Variants in SLX4 observed in about 807,000 individuals in gnomAD.
SLX4 encodes structure-specific endonuclease subunit SLX4.
A neutral mutation model predicts 146.2 loss-of-function variants in SLX4; 112 were observed. The ratio of observed to expected loss-of-function variants is 0.77; its 90% CI spans 0.66 to 0.90. The LOEUF is 0.90. SLX4 is among the 40% of genes least tolerant of loss of function. The probability of loss-of-function intolerance (pLI) is 0.00; values close to 1 mark genes in which losing one functional copy is unlikely to be tolerated. For synonymous variants in SLX4, 1,061 were observed against 997.7 expected (o/e 1.06, Z -1.20); for missense variants, 2,563 against 2,392.7 (o/e 1.07, Z -1.49).
At position 3,584,793 on chromosome 16, in the gene SLX4, G is replaced by A. The variant is rs182432298; in HGVS notation, c.4715C>T (p.Pro1572Leu). Residue 1572 changes from proline (P) to leucine (L), a missense_variant, in exon 13 of 15, where the codon CCG (proline) becomes CTG (leucine). Pro to Leu is a moderately conservative substitution (Grantham distance 98). Transcript: ENST00000294008. Reference sequence around the variant, plus strand: ...CCTATCCAGTTCCTTCTTCAGCACCGGCGTCTCCATAATGGAATACTGTGG... The same window carrying A: ...CCTATCCAGTTCCTTCTTCAGCACCAGCGTCTCCATAATGGAATACTGTGG... ...PMPQYSIMET[P>L]VLKKELDRFG... 1.5e-5 allele frequency: 25 copies of A among 1,613,902 alleles called. No homozygotes were observed. Among genetic ancestry groups the A allele is most frequent in the South Asian group, 5.5e-5 (5 of 91,070 alleles).
At chr16:3,602,500 CA>C (rs1295232772) in intron 3 of SLX4, among the ~76,000 whole-genome samples, 193 bp from the exon 4 acceptor site, 2 of 152,214 alleles carry the variant, frequency 1.3e-5, no homozygotes, top group African/African-American at 4.8e-5. Flanking sequence ...ACTCCGGGAA[CA>C]GCCGTCTCCA....
intron 8 of SLX4, 71 bp from the exon 9 acceptor site, chr16:3,595,764 G>T: frequency 1.3e-6 from 2 of 1,563,418 alleles, no homozygotes; most frequent in Admixed American, 1.7e-5. Context: ...AGACAGCGTT[G>T]ACCACAGGCT....
rs1022062802 is a variant in SLX4 at position 3,590,720 on chromosome 16, G to C, written c.2918C>G (p.Ser973Cys). The C allele has an allele frequency of 3.7e-6, 6 of 1,614,172 alleles. No individual in the cohort carries two copies. Among genetic ancestry groups the C allele is most frequent in the South Asian group, 2.2e-5 (2 of 91,084 alleles). Residue 973 changes from serine to cysteine, a missense_variant, in exon 12 of 15, where the codon TCT (serine) becomes TGT (cysteine). Transcript: ENST00000294008. This position sits in a 1 kb window ranked among gnomAD's most constrained non-coding sequence, Gnocchi z 4.8. ...RDCQAERKEG[S>C]LPHSDDAGDY... The stretch of plus-strand genomic sequence containing the variant: ...CCCGGCATCATCTGAGTGCGGAAGA[G>C]AGCCTTCTTTTCTCTCTGCCTGGCA...
rs921942813 is a variant in SLX4 at position 3,591,272 on chromosome 16, A to G, written c.2366T>C (p.Val789Ala). ...GCCCTCTGAGTCAGTGGCAATAGGC[A>G]CCTGTTCGCACAGGTGAACGAGCTC... is the stretch of plus-strand genomic sequence containing the variant. ...VSELVHLCEQ[V>A]PIATDSEGKP... Residue 789 changes from valine (V) to alanine (A), a missense_variant, in exon 12 of 15, where the codon GTG becomes GCG. Coordinates refer to ENST00000294008, the MANE Select transcript of SLX4 (RefSeq NM_032444.4). 1.2e-6 allele frequency: 2 copies of G among 1,612,294 alleles called. No individual in the cohort carries two copies. Among genetic ancestry groups the G allele is most frequent in the African/African-American group, 2.7e-5 (2 of 74,868 alleles).
At position 3,608,701 on chromosome 16, in the gene SLX4, GCTT is replaced by G. The variant is rs536289991; in HGVS notation, c.261_263del (p.Arg87del). On this transcript the variant is annotated inframe_deletion, in exon 2 of 15. Transcript: ENST00000294008. ...CAGTTTGTTTGGTCCTTTTCAATTTGCTTCTTATCTGAGTGCCGTTTGAGGCAG... is the reference window on the plus strand; with the variant it reads ...CAGTTTGTTTGGTCCTTTTCAATTTGCTTATCTGAGTGCCGTTTGAGGCAG... 2.2e-4 allele frequency: 355 copies of G among 1,614,190 alleles called. 10 individuals carry two copies. In the South Asian group the frequency reaches 3.0e-3, roughly 14 times the overall value.
Position 3,595,613 on chromosome 16 carries a change from G to A in SLX4, c.2005C>T (p.Arg669Cys), listed in dbSNP as rs375524355. The change falls in exon 9 of 15, where the codon CGC becomes TGC. Residue 669 changes from arginine to cysteine, a missense_variant. Physicochemically the swap from Arg to Cys is radical, Grantham distance 180 (BLOSUM62 -3). Coordinates refer to ENST00000294008, the MANE Select transcript of SLX4 (RefSeq NM_032444.4). ...SQDKHPDRGG[R>C]TLLSLGLLVA... ...CCAGAGCCAGTTCTTACCAAGGTGC[G>A]GCCGCCCCTGTCCGGGTGCTTGTCC... The A allele has an allele frequency of 3.7e-5, 59 of 1,613,614 alleles. No individual in the cohort carries two copies. The highest frequency in any genetic ancestry group is 1.2e-4 in the African/African-American group (9 of 74,880).
At position 3,608,879 on chromosome 16, in the gene SLX4, C is replaced by G. The variant is rs149117119; in HGVS notation, c.86G>C (p.Arg29Pro). ...GCTTTCAGGCTGGTCTTCAGAGGAG[C>G]GAGGGTCAATCCCAGGACAGGCAGA... ...HLSACPGIDP[R>P]SSEDQPESLK... is the part of the protein sequence containing the mutation. Residue 29 changes from arginine to proline, a missense_variant, in exon 2 of 15, where the codon CGC becomes CCC. Transcript: ENST00000294008. 8.1e-6 allele frequency: 13 copies of G among 1,614,060 alleles called. No individual in the cohort carries two copies. Among genetic ancestry groups the G allele is most frequent in the Middle Eastern group, 3.3e-4 (2 of 6,062 alleles).
chr16:3,589,550 G>T lies in SLX4; in HGVS notation c.4088C>A (p.Ser1363Ter), dbSNP rs1596520443. ...HSSPLAPHPISGDRAHFSRRF... is the reference protein window; with the variant it reads ...HSSPLAPHPI ...CCTGCTGAAGTGGGCGCGGTCCCCT[G>T]AGATGGGATGTGGAGCCAGCGGAGA... is the stretch of plus-strand genomic sequence containing the variant. Residue 1363 changes from serine to a stop codon, truncating the protein, a stop_gained, in exon 12 of 15, where the codon TCA (serine) becomes TAA (stop). Coordinates refer to ENST00000294008, the MANE Select transcript of SLX4 (RefSeq NM_032444.4). LOFTEE classifies it high-confidence loss of function. This position sits in a 1 kb window ranked among gnomAD's most constrained non-coding sequence, Gnocchi z 6.2. 6.2e-7 allele frequency: 1 copy of T among 1,611,936 alleles called. No individual in the cohort carries two copies. Among genetic ancestry groups the T allele is most frequent in the Non-Finnish European group, 8.5e-7 (1 of 1,178,932 alleles).
Position 3,589,077 on chromosome 16 carries a change from G to T in SLX4, c.4561C>A (p.Pro1521Thr), listed in dbSNP as rs771164460. Residue 1521 changes from proline (P) to threonine (T), a missense_variant, in exon 12 of 15, where the codon CCT (proline) becomes ACT (threonine). Transcript: ENST00000294008. This position sits in a 1 kb window ranked among gnomAD's most constrained non-coding sequence, Gnocchi z 6.2. ...TGGGCCGGAGGAGGGGTCTCTGGAGGCCTCTGCTCTTCCCCGTCCCAAACG... is the reference window on the plus strand; with the variant it reads ...TGGGCCGGAGGAGGGGTCTCTGGAGTCCTCTGCTCTTCCCCGTCCCAAACG... ...WDVWDGEEQR[P>T]PETPPPAQMP... 1 of 1,614,106 alleles carries T rather than the reference G, an allele frequency of 6.2e-7. No homozygotes were observed. The highest frequency in any genetic ancestry group is 1.7e-5 in the Admixed American group (1 of 60,018).
Position 3,606,591 on chromosome 16 carries a change from G to T in SLX4, c.643C>A (p.Gln215Lys). 6.2e-6 allele frequency: 10 copies of T among 1,614,200 alleles called. No individual in the cohort carries two copies. Among genetic ancestry groups the T allele is most frequent in the Non-Finnish European group, 8.5e-6 (10 of 1,180,048 alleles). Residue 215 changes from glutamine to lysine, a missense_variant, in exon 3 of 15, where the codon CAG becomes AAG. Gln to Lys is a moderately conservative substitution (Grantham distance 53). Coordinates refer to ENST00000294008, the MANE Select transcript of SLX4 (RefSeq NM_032444.4). ...TAQLVLQRMQQFKRADPERLR... is the reference protein window; with the variant it reads ...TAQLVLQRMQKFKRADPERLR... Reference sequence around the variant, plus strand: ...CGCTCGGGGTCTGCTCTCTTGAACTGCTGCATTCGCTGTAGGACCAATTGT... The same window carrying T: ...CGCTCGGGGTCTGCTCTCTTGAACTTCTGCATTCGCTGTAGGACCAATTGT...
At chr16:3,600,126 C>T (rs962395952) in intron 5 of SLX4, among the ~76,000 whole-genome samples, 1 of 152,208 alleles carries the variant, frequency 6.6e-6, no homozygotes, top group African/African-American at 2.4e-5. Flanking sequence ...AAGCATTCCA[C>T]CTCAGATCAT....
Position 3,609,314 on chromosome 16 carries a change from A to T in SLX4, c.-350T>A. On this transcript the variant is annotated 5_prime_UTR_variant, in exon 2 of 15. Coordinates refer to ENST00000294008, the MANE Select transcript of SLX4 (RefSeq NM_032444.4). ...TCCCAGCTACTCGGGAGGCAGAGGCAAGAGAATCGCTTGAACCTGGGAGGC... is the reference window on the plus strand; with the variant it reads ...TCCCAGCTACTCGGGAGGCAGAGGCTAGAGAATCGCTTGAACCTGGGAGGC... The T allele has an allele frequency of 1.1e-5, 3 of 266,850 alleles. No individual in the cohort carries two copies. The South Asian group carries it at 1.3e-4, about 12-fold the overall frequency. The allele number at this position is 266,850 out of a possible 1,614,324, so 16.5% of individuals were successfully genotyped here. A position where few individuals can be genotyped will look rare whatever the true frequency, so the allele number is the denominator to read the frequency against.
intron 9 of SLX4, 146 bp from the exon 10 acceptor site, chr16:3,594,745 C>T (rs1460482513): frequency 1.1e-5 from 12 of 1,064,502 alleles, no homozygotes; most frequent in Admixed American, 4.0e-5. Flanking sequence ...ACGCTTCCCA[C>T]GATGGCCTCA....
Position 3,590,582 on chromosome 16 carries a change from G to C in SLX4, c.3056C>G (p.Ser1019Cys). The change falls in exon 12 of 15, where the codon TCT becomes TGT. Residue 1019 changes from serine (S) to cysteine (C), a missense_variant. By Grantham distance (112) the Ser-to-Cys change is moderately radical. Transcript: ENST00000294008. The surrounding 1 kb of genome is among the most constrained non-coding windows in gnomAD (Gnocchi z 4.8). ...TGCCTGCCAGGGAGCCAGGCGATGA[G>C]AAACCTCCAGCCCCCTTTCCCTGAC... ...GAVRERGLEVSHRLAPWQASP... is the reference protein window; with the variant it reads ...GAVRERGLEVCHRLAPWQASP... 1 of 1,612,980 alleles carries C rather than the reference G, an allele frequency of 6.2e-7. No homozygotes were observed. Among genetic ancestry groups the C allele is most frequent in the South Asian group, 1.1e-5 (1 of 91,074 alleles).
chr16:3,606,712 A>G lies in SLX4; in HGVS notation c.536-14T>C, dbSNP rs560726822. 3.7e-6 allele frequency: 6 copies of G among 1,613,198 alleles called. No individual in the cohort carries two copies. In the South Asian group the frequency reaches 5.5e-5, roughly 15 times the overall value. ...TGGGCACATTCTCTGGCAAGGAGGA[A>G]AATATTCACAACCATCTGTTGTAGC... On this transcript the variant is annotated splice_polypyrimidine_tract_variant and intron_variant, in intron 2 of 14. Coordinates refer to ENST00000294008, the MANE Select transcript of SLX4 (RefSeq NM_032444.4).
rs1263956790 is a variant in SLX4, at chr16:3,590,423, G to A, written c.3215C>T (p.Thr1072Ile). The A allele has an allele frequency of 1.9e-6, 3 of 1,614,202 alleles. No homozygotes were observed. Among genetic ancestry groups the A allele is most frequent in the Non-Finnish European group, 2.5e-6 (3 of 1,180,028 alleles). The change falls in exon 12 of 15, where the codon ACC (threonine) becomes ATC (isoleucine). Residue 1072 changes from threonine to isoleucine, a missense_variant. Physicochemically the swap from Thr to Ile is moderately conservative, Grantham distance 89. Transcript: ENST00000294008. The surrounding 1 kb of genome is among the most constrained non-coding windows in gnomAD (Gnocchi z 4.8). ...TGATGGCACAGCTGGAGACAGCAAG[G>A]TTGGGGAGCCCACCTGGGAAGTTCC... ...RGGTSQVGSP[T>I]LLSPAVPSKQ...
intron 1 of SLX4, among the ~76,000 whole-genome samples, chr16:3,610,850 G>A (rs143378422): frequency 1.3e-5 from 2 of 152,296 alleles, no homozygotes; most frequent in African/African-American, 4.8e-5. Context: ...GAAAGGTGTA[G>A]GAGAAAACGC....
intron 2 of SLX4, among the ~76,000 whole-genome samples, chr16:3,607,154 G>T (rs2040795545): frequency 6.6e-6 from 1 of 152,198 alleles, no homozygotes; most frequent in Admixed American, 6.5e-5. Context: ...ATGATCTTCA[G>T]TGGGGATCCA....
At position 3,600,187 on chromosome 16, in the gene SLX4, C is replaced by T. The variant is rs191626383; in HGVS notation, c.1163+792G>A. 2.8e-3 allele frequency among the ~76,000 whole-genome samples: 425 copies of T among 152,280 alleles called. 1 individual carries two copies. The highest frequency in any genetic ancestry group is 9.4e-3 in the African/African-American group (390 of 41,566). On this transcript the variant is annotated intron_variant, in intron 5 of 14. Coordinates refer to ENST00000294008, the MANE Select transcript of SLX4 (RefSeq NM_032444.4). The stretch of plus-strand genomic sequence containing the variant: ...GCTCAACCTAGATTCCATGCATGTG[C>T]GGCTCACAACAGGGTTTGTGTTCCT...
Sources: allele counts gnomAD v4.1 joint callset (sites outside exome capture counted in the v4.1 genomes callset), GRCh38; gene constraint gnomAD v4.1.1; non-coding constraint Gnocchi (gnomAD v3.1); transcripts MANE v1.5; gene names NCBI Gene and HGNC (gene_info 2026-07-23, HGNC 2026-07-21).